The following METTL13 variants were observed in gnomAD, a reference collection of about 807,000 sequenced individuals.
The protein encoded by METTL13 is eEF1A lysine and N-terminal methyltransferase.
Under a neutral mutation model 67.4 loss-of-function variants are expected in METTL13, and 52 were observed. That is an observed-to-expected ratio of 0.77 (90% CI 0.62 to 0.97). The LOEUF is 0.97. Among genes scored for constraint, METTL13 ranks in the 50% least tolerant of loss-of-function variants. The probability of loss-of-function intolerance (pLI) is 0.00; values close to 1 mark genes in which losing one functional copy is unlikely to be tolerated. For synonymous variants in METTL13, 354 were observed against 353.6 expected (o/e 1.00, Z -0.01); for missense variants, 825 against 889.6 (o/e 0.93, Z 0.92).
chr1:171,793,669 C>T (rs1657277363), intron 6 of METTL13, among the ~76,000 whole-genome samples: 1 of 152,206 alleles, frequency 6.6e-6, no homozygotes, highest in African/African-American at 2.4e-5. Flanking sequence ...CTTATAAAAA[C>T]AATTTAACAT....
In METTL13 at chr1:171,781,960, G is replaced by A. The variant is rs1260459335; in HGVS notation, c.-8G>A. 1 of 1,614,040 alleles carries A rather than the reference G, an allele frequency of 6.2e-7. No individual in the cohort carries two copies. The highest frequency in any genetic ancestry group is 1.1e-5 in the South Asian group (1 of 91,076). On this transcript the variant is annotated 5_prime_UTR_variant, in exon 1 of 8. Transcript: ENST00000361735. ...GAGTCTTGAAAACGCAGCTTCGGCA[G>A]TAGGAACATGAACCTCTTACCTAAA...
chr1:171,787,722 G>T lies in METTL13; in HGVS notation c.1114-13G>T. The T allele has an allele frequency of 6.2e-7, 1 of 1,607,742 alleles. No individual in the cohort carries two copies. The highest frequency in any genetic ancestry group is 8.5e-7 in the Non-Finnish European group (1 of 1,174,892). On this transcript the variant is annotated splice_polypyrimidine_tract_variant and intron_variant, in intron 3 of 7. Transcript: ENST00000361735. ...AGCTGCTGTTTTGACCACATCTCTG[G>T]TTGTACCTTCAGGTCCCCTTTCTGT...
intron 7 of METTL13, among the ~76,000 whole-genome samples, chr1:171,795,373 TA>T (rs1456233576): frequency 6.6e-6 from 1 of 152,248 alleles, no homozygotes; most frequent in African/African-American, 2.4e-5. Context: ...CTTGGGTATA[TA>T]CACAGGGTTG....
intron 3 of METTL13, among the ~76,000 whole-genome samples, chr1:171,787,446 G>A (rs1657055425): frequency 6.6e-6 from 1 of 152,028 alleles, no homozygotes; most frequent in South Asian, 2.1e-4. Flanking sequence ...TTCTTTTAGG[G>A]GTTACTGATG....
In METTL13 at chr1:171,784,407, A is replaced by T. The variant is rs1161859966; in HGVS notation, c.821A>T (p.Asp274Val). 6.4e-7 allele frequency: 1 copy of T among 1,553,810 alleles called. No individual in the cohort carries two copies. The highest frequency in any genetic ancestry group is 1.9e-5 in the Admixed American group (1 of 52,238). The change falls in exon 2 of 8, where the codon GAT becomes GTT. Residue 274 changes from aspartate to valine, a missense_variant. Physicochemically the swap from Asp to Val is radical, Grantham distance 152. Transcript: ENST00000361735. Reference protein sequence around the residue: ...RLGSVSLDLCDGDTGEPRYTL... With the variant: ...RLGSVSLDLCVGDTGEPRYTL... ...GGGAGTGTGTCTCTGGACTTGTGCG[A>T]TGGGGACACGGGGGAGCCACGCTAC...
rs755217222 is a variant in METTL13, at chr1:171,784,193, C to T, written c.607C>T (p.Pro203Ser). 5 of 1,614,072 alleles carry T rather than the reference C, an allele frequency of 3.1e-6. No homozygotes were observed. Among genetic ancestry groups the T allele is most frequent in the Non-Finnish European group, 4.2e-6 (5 of 1,180,058 alleles). The change falls in exon 2 of 8, where the codon CCT (proline) becomes TCT (serine). Residue 203 changes from proline to serine, a missense_variant. Pro to Ser is a moderately conservative substitution (Grantham distance 74). Transcript: ENST00000361735. ...VLEAEPQFSL[P>S]VFAFIMTKFR... ...GGAAGCAGAGCCTCAGTTCTCCTTG[C>T]CTGTCTTTGCCTTCATCATGACCAA... is the stretch of plus-strand genomic sequence containing the variant.
In METTL13 at chr1:171,783,983, GAGA is replaced by G. The variant is rs1271557948; in HGVS notation, c.401_403del (p.Lys134del). The G allele has an allele frequency of 1.5e-5, 25 of 1,614,154 alleles. No homozygotes were observed. The highest frequency in any genetic ancestry group is 2.1e-5 in the Non-Finnish European group (25 of 1,180,060). ...GGATGCTGTCCTGACAGATGAGGAA[GAGA>G]AGACCTTACAACAGGTGGACAGGAT... On this transcript the variant is annotated inframe_deletion, in exon 2 of 8. Transcript: ENST00000361735.
At chr1:171,793,139 G>A (rs1657261865) in intron 6 of METTL13, among the ~76,000 whole-genome samples, 1 of 152,156 alleles carries the variant, frequency 6.6e-6, no homozygotes, top group Non-Finnish European at 1.5e-5. Flanking sequence ...AGATACTCTG[G>A]TCTCACTAGA....
At position 171,789,049 on chromosome 1, in the gene METTL13, C is replaced by T. The variant is rs570185068; in HGVS notation, c.1309+1119C>T. On this transcript the variant is annotated intron_variant, in intron 4 of 7. Transcript: ENST00000361735. ...TGCAGGTTGGTCCAGTTTCATCTCA[C>T]TAAAATCTCAGTAAAATTGCTTAAA... is the stretch of plus-strand genomic sequence containing the variant. 3.9e-5 allele frequency among the ~76,000 whole-genome samples: 6 copies of T among 152,298 alleles called. No individual in the cohort carries two copies. In the South Asian group the frequency reaches 8.3e-4, roughly 21 times the overall value.
At position 171,797,462 on chromosome 1, in the gene METTL13, T is replaced by A. The variant is rs993524171; in HGVS notation, c.*706T>A. ...GTCTCTAGTGTTTGTTTGCTCACAT[T>A]TGCTGAGTGACAGCTATGTGCCAGA... On this transcript the variant is annotated 3_prime_UTR_variant, in exon 8 of 8. Transcript: ENST00000361735. 1 of 152,316 alleles carries A rather than the reference T, an allele frequency of 6.6e-6. No homozygotes were observed. Among genetic ancestry groups the A allele is most frequent in the Admixed American group, 6.5e-5 (1 of 15,284 alleles). 9.4% of individuals were successfully genotyped at this position (152,316 alleles called of 1,614,324 possible).
Position 171,794,523 on chromosome 1 carries a change from T to C in METTL13, c.1821T>C (p.Pro607=). The C allele has an allele frequency of 6.2e-7, 1 of 1,614,174 alleles. No homozygotes were observed. Among genetic ancestry groups the C allele is most frequent in the South Asian group, 1.1e-5 (1 of 91,080 alleles). Residue 607 remains proline (P), a synonymous_variant, in exon 7 of 8, where the codon CCT becomes CCC. Transcript: ENST00000361735. ...FLQKVKSILT[P]EGVFILNLVC... is the part of the protein sequence containing the mutation. ...AGAAGGTTAAAAGCATCTTGACTCCTGAAGGTATGGAGAACAAAAGGTGGG... is the reference window on the plus strand; with the variant it reads ...AGAAGGTTAAAAGCATCTTGACTCCCGAAGGTATGGAGAACAAAAGGTGGG...
Position 171,781,751 on chromosome 1 carries a change from G to A in METTL13, c.-217G>A. On this transcript the variant is annotated 5_prime_UTR_variant, in exon 1 of 8. Transcript: ENST00000361735. ...AAGGAACAGCAGGCGCGGAGGAGGGGGCAAGCGTGTGTGAGATTCAGTGGT... is the reference window on the plus strand; with the variant it reads ...AAGGAACAGCAGGCGCGGAGGAGGGAGCAAGCGTGTGTGAGATTCAGTGGT... The A allele has an allele frequency of 1.5e-6, 2 of 1,370,176 alleles. No individual in the cohort carries two copies. Among genetic ancestry groups the A allele is most frequent in the Non-Finnish European group, 1.9e-6 (2 of 1,058,808 alleles). The allele number at this position is 1,370,176 out of a possible 1,614,324, so 84.9% of individuals were successfully genotyped here.
At chr1:171,786,199 G>T in intron 3 of METTL13, 121 bp downstream of exon 3, 1 of 1,099,772 alleles carries the variant, frequency 9.1e-7, no homozygotes, top group Non-Finnish European at 1.3e-6. Context: ...AATCCTGGAG[G>T]GGTATCAGCA....
chr1:171,783,529 T>A (rs534430399), intron 1 of METTL13, among the ~76,000 whole-genome samples: 3 of 152,254 alleles, frequency 2.0e-5, no homozygotes, highest in Admixed American at 2.0e-4. Flanking sequence ...TAACCTGTAT[T>A]GTAGCTGAAT....
rs755473663 is a variant in METTL13, at chr1:171,782,068, C to A, written c.101C>A (p.Thr34Asn). 1.9e-6 allele frequency: 3 copies of A among 1,613,990 alleles called. No homozygotes were observed. The highest frequency in any genetic ancestry group is 2.2e-5 in the South Asian group (2 of 91,092). The change falls in exon 1 of 8, where the codon ACC becomes AAC. Residue 34 changes from threonine (T) to asparagine (N), a missense_variant. Thr to Asn is a moderately conservative substitution (Grantham distance 65, BLOSUM62 0). Transcript: ENST00000361735. ...AAGAAAGCTTTCGAGTGGTATGGAACCTACCTGGAACTGTGCGGGGTGCTA... is the reference window on the plus strand; with the variant it reads ...AAGAAAGCTTTCGAGTGGTATGGAAACTACCTGGAACTGTGCGGGGTGCTA... The part of the protein sequence containing the change: ...RGKKAFEWYG[T>N]YLELCGVLHK...
chr1:171,788,586 G>A (rs774311145), intron 4 of METTL13, among the ~76,000 whole-genome samples: 8 of 151,746 alleles, frequency 5.3e-5, no homozygotes, highest in Non-Finnish European at 1.0e-4. Flanking sequence ...ATCCCTTTAA[G>A]TGGTCTCCCA....
At chr1:171,793,586 T>C (rs1222554920) in intron 6 of METTL13, among the ~76,000 whole-genome samples, 1 of 152,260 alleles carries the variant, frequency 6.6e-6, no homozygotes, top group South Asian at 2.1e-4. Context: ...TAAATACTTA[T>C]TAATTATTGA....
In METTL13 at chr1:171,792,106, G is replaced by A. The variant is rs749327456; in HGVS notation, c.1564G>A (p.Ala522Thr). The A allele has an allele frequency of 6.2e-7, 1 of 1,613,976 alleles. No individual in the cohort carries two copies. Among genetic ancestry groups the A allele is most frequent in the Non-Finnish European group, 8.5e-7 (1 of 1,180,056 alleles). The change falls in exon 6 of 8, where the codon GCT (alanine) becomes ACT (threonine). Residue 522 changes from alanine (A) to threonine (T), a missense_variant. Physicochemically the swap from Ala to Thr is moderately conservative, Grantham distance 58. Transcript: ENST00000361735. ...TCATTTTCCAAAGTCCTGCATTGAT[G>A]CTGTGGAGATCGATCCCTCCATGTT... ...HDHFPKSCIDAVEIDPSMLEV... is the reference protein window; with the variant it reads ...HDHFPKSCIDTVEIDPSMLEV...
At chr1:171,783,025 A>G (rs900652502) in intron 1 of METTL13, among the ~76,000 whole-genome samples, 12 of 148,010 alleles carry the variant, frequency 8.1e-5, no homozygotes, top group Non-Finnish European at 1.5e-4. Context: ...CCATGCATAC[A>G]TTTTACAGAT....
Sources: gnomAD v4.1 joint callset for allele counts (sites outside exome capture counted in the v4.1 genomes callset) on GRCh38, gnomAD v4.1.1 for gene constraint, MANE v1.5 for transcripts, NCBI Gene and HGNC (gene_info 2026-07-23, HGNC 2026-07-21) for gene names.